Variants in IPCEF1 observed in about 807,000 individuals in gnomAD.
The protein encoded by IPCEF1 is interaction protein for cytohesin exchange factors 1.
IPCEF1 carries 31 observed loss-of-function variants against 50.9 expected under a neutral mutation model. The ratio of observed to expected loss-of-function variants is 0.61; its 90% CI spans 0.46 to 0.82. IPCEF1 has a LOEUF of 0.82. Among genes scored for constraint, IPCEF1 ranks in the 40% least tolerant of loss-of-function variants. The pLI, the probability that IPCEF1 is intolerant of heterozygous loss-of-function variation, is 0.00. For synonymous variants in IPCEF1, 181 were observed against 192.0 expected, an observed-to-expected ratio of 0.94 and a Z score of 0.47; for missense variants, 458 against 514.0, an observed-to-expected ratio of 0.89 and a Z score of 1.05.
At chr6:154,208,629 G>A (rs935624023) in intron 9 of IPCEF1, among the ~76,000 whole-genome samples, 3 of 152,178 alleles carry the variant, frequency 2.0e-5, no homozygotes, top group Admixed American at 6.5e-5. Flanking sequence ...CTTCTTGAAT[G>A]AATGAATATG....
chr6:154,275,191 C>T (rs537336178), intron 2 of IPCEF1, among the ~76,000 whole-genome samples: 4 of 152,150 alleles, frequency 2.6e-5, no homozygotes, highest in Admixed American at 6.5e-5. Context: ...CCAAGCTAGC[C>T]GTATGCTGAA....
At position 154,159,791 on chromosome 6, in the gene IPCEF1, G is replaced by A. The variant is rs1467567384; in HGVS notation, c.*37C>T. 4 of 1,500,770 alleles carry A rather than the reference G, an allele frequency of 2.7e-6. No individual in the cohort carries two copies. Among genetic ancestry groups the A allele is most frequent in the Non-Finnish European group, 3.7e-6 (4 of 1,085,922 alleles). The allele number at this position is 1,500,770 out of a possible 1,614,324, so 93.0% of individuals were successfully genotyped here. ...TTTGCAACATCTTGAAGAGTTGCTT[G>A]TGATAAAATATAAGAGGAGAAAACC... On this transcript the variant is annotated 3_prime_UTR_variant, in exon 12 of 12. Transcript: ENST00000367220.
At chr6:154,222,012 T>C (rs904505546) in intron 6 of IPCEF1, among the ~76,000 whole-genome samples, 3 of 152,250 alleles carry the variant, frequency 2.0e-5, no homozygotes, top group African/African-American at 7.2e-5. Context: ...TCAGAACAAC[T>C]ACTTCAAGCA....
At chr6:154,348,943 C>T (rs1203047464) in intron 1 of IPCEF1, among the ~76,000 whole-genome samples, 1 of 152,108 alleles carries the variant, frequency 6.6e-6, no homozygotes, top group Non-Finnish European at 1.5e-5. Flanking sequence ...TAATCATAAA[C>T]AAGTAGCCTA....
intron 10 of IPCEF1, among the ~76,000 whole-genome samples, chr6:154,170,979 T>A (rs1799823694): frequency 6.6e-6 from 1 of 152,204 alleles, no homozygotes; most frequent in African/African-American, 2.4e-5. Flanking sequence ...CACTAGATTC[T>A]CCTGCCTCAG....
chr6:154,293,370 C>G (rs769270209), intron 1 of IPCEF1, among the ~76,000 whole-genome samples: 1 of 152,286 alleles, frequency 6.6e-6, no homozygotes, highest in Non-Finnish European at 1.5e-5. Flanking sequence ...CAATCACTTT[C>G]AGTATAGAAA....
At chr6:154,228,152 A>C (rs184002971) in intron 5 of IPCEF1, among the ~76,000 whole-genome samples, 2 of 151,956 alleles carry the variant, frequency 1.3e-5, no homozygotes, top group Non-Finnish European at 2.9e-5. Flanking sequence ...TTCTTCTTCA[A>C]TTCCTAACTT....
At chr6:154,180,716 G>C (rs980960285) in intron 10 of IPCEF1, among the ~76,000 whole-genome samples, 2 of 152,022 alleles carry the variant, frequency 1.3e-5, no homozygotes, top group Admixed American at 6.6e-5. Context: ...CTAGAATGTG[G>C]CTGTTTATTT....
intron 10 of IPCEF1, among the ~76,000 whole-genome samples, chr6:154,172,606 G>A (rs1490710769): frequency 6.6e-6 from 1 of 152,210 alleles, no homozygotes; most frequent in Non-Finnish European, 1.5e-5. Context: ...CACCATTGCT[G>A]AGGCTTGAGT....
At chr6:154,220,064 T>A (rs1362062776) in intron 7 of IPCEF1, among the ~76,000 whole-genome samples, 2 of 151,908 alleles carry the variant, frequency 1.3e-5, no homozygotes. Context: ...AGTTGCTTTT[T>A]TTCTTCATGT....
chr6:154,276,024 A>G (rs763417996), intron 2 of IPCEF1, among the ~76,000 whole-genome samples: 15 of 152,012 alleles, frequency 9.9e-5, no homozygotes, highest in Non-Finnish European at 1.9e-4. Context: ...TACTAAAAAT[A>G]CCAAAAAAAT....
intron 5 of IPCEF1, among the ~76,000 whole-genome samples, chr6:154,235,836 A>C (rs550777901): frequency 2.8e-4 from 42 of 152,178 alleles, no homozygotes; most frequent in Non-Finnish European, 5.0e-4. Flanking sequence ...AATCAAAGCC[A>C]CCGTGTGATG....
intron 1 of IPCEF1, among the ~76,000 whole-genome samples, chr6:154,331,183 C>A (rs1783650681): frequency 6.6e-6 from 1 of 151,908 alleles, no homozygotes. Context: ...AGGAGAATTC[C>A]TTGAACCCGG....
intron 1 of IPCEF1, among the ~76,000 whole-genome samples, chr6:154,351,393 G>A (rs573847934): frequency 2.0e-4 from 31 of 152,206 alleles, no homozygotes; most frequent in African/African-American, 6.7e-4. Flanking sequence ...CATTTCCTAC[G>A]TGGTACCACC....
intron 1 of IPCEF1, among the ~76,000 whole-genome samples, chr6:154,341,221 G>C (rs887158862): frequency 2.0e-5 from 3 of 152,168 alleles, no homozygotes; most frequent in Non-Finnish European, 2.9e-5. Flanking sequence ...GCAGTTTCCA[G>C]CTTGAGTTTT....
rs1798638977 is a variant in IPCEF1, at chr6:154,154,626, CAT to C, written c.*5200_*5201del. On this transcript the variant is annotated 3_prime_UTR_variant, in exon 12 of 12. Coordinates refer to ENST00000367220, the MANE Select transcript of IPCEF1 (RefSeq NM_001130700.2). ...CGCAGCCATTAAACACTTCCAGCCA[CAT>C]GTTTATTTCTTTGAGAAAGCAACAC... 1 of 152,226 alleles carries C rather than the reference CAT, an allele frequency of 6.6e-6. No homozygotes were observed. The highest frequency in any genetic ancestry group is 2.4e-5 in the African/African-American group (1 of 41,446). 9.4% of individuals were successfully genotyped at this position (152,226 alleles called of 1,614,324 possible).
chr6:154,168,258 T>G lies in IPCEF1; in HGVS notation c.911-145A>C. On this transcript the variant is annotated intron_variant, in intron 10 of 11. Coordinates refer to ENST00000367220, the MANE Select transcript of IPCEF1 (RefSeq NM_001130700.2). This position sits in a 1 kb window ranked among gnomAD's most constrained non-coding sequence, Gnocchi z 4.1. ...CCGGAACTGAAAGACAATAAATGTT[T>G]GCTGTCTAAGCCACCCAGTTTGCGA... 6.6e-6 allele frequency: 4 copies of G among 607,962 alleles called. No homozygotes were observed. The highest frequency in any genetic ancestry group is 1.1e-5 in the Non-Finnish European group (4 of 369,166). The allele number at this position is 607,962 out of a possible 1,614,324, so 37.7% of individuals were successfully genotyped here.
chr6:154,226,272 A>G (rs1385396461), intron 5 of IPCEF1, among the ~76,000 whole-genome samples: 1 of 152,096 alleles, frequency 6.6e-6, no homozygotes, highest in Non-Finnish European at 1.5e-5. Context: ...CATATCTCAA[A>G]CTGGGATTCA....
intron 1 of IPCEF1, among the ~76,000 whole-genome samples, chr6:154,355,478 T>TTTTC (rs201731228): frequency 4.1e-5 from 6 of 145,704 alleles, no homozygotes; most frequent in African/African-American, 7.4e-5. Context: ...TTTCTGTTTC[T>TTTTC]TTTCTTTCTT....
Sources: gnomAD v4.1 joint callset for allele counts (sites outside exome capture counted in the v4.1 genomes callset) on GRCh38, gnomAD v4.1.1 for gene constraint, Gnocchi (gnomAD v3.1) non-coding constraint, MANE v1.5 for transcripts, NCBI Gene and HGNC (gene_info 2026-07-23, HGNC 2026-07-21) for gene names.